The following C5 variants were observed in gnomAD, a reference collection of about 807,000 sequenced individuals.
C5 encodes complement C5, also known as C3 and PZP-like alpha-2-macroglobulin domain-containing protein 4.
A neutral mutation model predicts 218.8 loss-of-function variants in C5; 140 were observed. That is an observed-to-expected ratio of 0.64 (90% CI 0.56 to 0.74). The LOEUF is 0.74. C5 is among the 30% of genes least tolerant of loss of function. The pLI is 0.00. For synonymous variants in C5, 614 were observed against 682.3 expected, an observed-to-expected ratio of 0.90 and a Z score of 1.56; for missense variants, 1,700 against 1,969.6, an observed-to-expected ratio of 0.86 and a Z score of 2.59.
chr9:121,009,000 C>A (rs966625645), intron 17 of C5, among the ~76,000 whole-genome samples: 4 of 151,960 alleles, frequency 2.6e-5, no homozygotes, highest in Non-Finnish European at 4.4e-5. Context: ...ATTGGCAAAA[C>A]AAAGCATTAA....
At chr9:120,987,690 C>A (rs545618849) in intron 25 of C5, among the ~76,000 whole-genome samples, 1 of 151,308 alleles carries the variant, frequency 6.6e-6, no homozygotes, top group East Asian at 1.9e-4. Context: ...TTAAAGTATT[C>A]TAGGTTGTAA....
chr9:120,997,808 A>ATTT, intron 20 of C5, 34 bp from the exon 21 acceptor site: 2 of 1,378,468 alleles, frequency 1.5e-6, no homozygotes, highest in Non-Finnish European at 2.0e-6. Context: ...ATCAAAATAC[A>ATTT]TTTTTTTTTT....
At position 120,989,795 on chromosome 9, in the gene C5, A is replaced by G. The variant is rs2047062999; in HGVS notation, c.2942-15T>C. Reference sequence around the variant, plus strand: ...TACAAGCAGTCCTGAAACAAAAAAGATCAAAGTAGACACATTGCTTTTTAT... The same window carrying G: ...TACAAGCAGTCCTGAAACAAAAAAGGTCAAAGTAGACACATTGCTTTTTAT... On this transcript the variant is annotated splice_polypyrimidine_tract_variant and intron_variant, in intron 23 of 40. Coordinates refer to ENST00000223642, the MANE Select transcript of C5 (RefSeq NM_001735.3). 1.3e-6 allele frequency: 2 copies of G among 1,597,008 alleles called. No individual in the cohort carries two copies. The highest frequency in any genetic ancestry group is 2.7e-5 in the African/African-American group (2 of 74,586).
intron 11 of C5, among the ~76,000 whole-genome samples, chr9:121,021,264 GGT>G (rs1425554991): frequency 6.6e-6 from 1 of 152,104 alleles, no homozygotes; most frequent in Admixed American, 6.5e-5. Context: ...AGTCTGATAT[GGT>G]CTTAACGGTG....
chr9:120,996,634 G>A lies in C5; in HGVS notation c.2791-334C>T, dbSNP rs557870094. On this transcript the variant is annotated intron_variant, in intron 21 of 40. Coordinates refer to ENST00000223642, the MANE Select transcript of C5 (RefSeq NM_001735.3). ...ACAGATGAGGAGACTGACACACATGGAAATCAAGTAACACTGTCACACTGC... is the reference window on the plus strand; with the variant it reads ...ACAGATGAGGAGACTGACACACATGAAAATCAAGTAACACTGTCACACTGC... 2.9e-4 allele frequency among the ~76,000 whole-genome samples: 44 copies of A among 152,342 alleles called. 1 individual carries two copies. The highest frequency in any genetic ancestry group is 1.5e-3 in the Admixed American group (23 of 15,302).
rs1185791589 is a variant in C5 at position 120,974,772 on chromosome 9, C to A, written c.4017+7G>T. 6.2e-6 allele frequency: 10 copies of A among 1,611,344 alleles called. No homozygotes were observed. Among genetic ancestry groups the A allele is most frequent in the Non-Finnish European group, 8.5e-6 (10 of 1,177,652 alleles). On this transcript the variant is annotated splice_region_variant and intron_variant, in intron 30 of 40. Coordinates refer to ENST00000223642, the MANE Select transcript of C5 (RefSeq NM_001735.3). The stretch of plus-strand genomic sequence containing the variant: ...TTGTAAAATACTACAGAAAGTTCTT[C>A]ATTTACCTCTACTGGCCTCCCAAGG...
At chr9:121,072,828 A>G in the C5 span, among the ~76,000 whole-genome samples, 652 of 151,438 alleles carry the variant, frequency 4.3e-3, 6 homozygotes, top group African/African-American at 0.013. Context: ...AAAAAAAAAA[A>G]AAAAGAAAAG....
At chr9:120,977,326 G>C (rs964142842) in intron 28 of C5, among the ~76,000 whole-genome samples, 1 of 152,130 alleles carries the variant, frequency 6.6e-6, no homozygotes, top group Non-Finnish European at 1.5e-5. Flanking sequence ...TTCATGTTTA[G>C]ACTTGAGTCC....
chr9:120,982,015 T>A (rs1160582327), intron 26 of C5, 76 bp from the exon 27 acceptor site: 23 of 950,802 alleles, frequency 2.4e-5, no homozygotes, highest in Non-Finnish European at 3.9e-5. Flanking sequence ...TACTCTGTTT[T>A]TTGTTTGTTT....
At chr9:120,961,060 CAAG>C (rs2046823703) in intron 37 of C5, among the ~76,000 whole-genome samples, 1 of 152,166 alleles carries the variant, frequency 6.6e-6, no homozygotes, top group African/African-American at 2.4e-5. Flanking sequence ...TTTCCTTGGC[CAAG>C]AAGGCTTTCT....
upstream of C5, among the ~76,000 whole-genome samples, chr9:121,050,902 TTGGAGAATAGA>T (rs2047666728): frequency 6.6e-6 from 1 of 152,166 alleles, no homozygotes; most frequent in South Asian, 2.1e-4. Flanking sequence ...TCTCTAAGTA[TTGGAGAATAGA>T]TATTCTCCAA....
In C5 at chr9:121,020,173, T is replaced by C. The variant is rs756586373; in HGVS notation, c.1309A>G (p.Thr437Ala). The C allele has an allele frequency of 3.4e-5, 55 of 1,613,382 alleles. No individual in the cohort carries two copies. The highest frequency in any genetic ancestry group is 4.7e-5 in the Non-Finnish European group (55 of 1,179,452). The change falls in exon 12 of 41, where the codon ACT becomes GCT. Residue 437 changes from threonine to alanine, a missense_variant. Thr to Ala is a moderately conservative substitution (Grantham distance 58). Transcript: ENST00000223642. ...TCTTCTGGAAGATCTGGAGCATCAG[T>C]TTTGACCTGAAAAGAGAAATTTCAA... ...GVTVLEFNVK[T>A]DAPDLPEENQ...
chr9:120,964,554 C>T (rs1251032940), intron 33 of C5, among the ~76,000 whole-genome samples: 1 of 152,176 alleles, frequency 6.6e-6, no homozygotes, highest in Non-Finnish European at 1.5e-5. Flanking sequence ...TTTTCTTTTT[C>T]ATGCTTTTCT....
intron 33 of C5, among the ~76,000 whole-genome samples, chr9:120,968,665 A>G (rs1305091555): frequency 1.3e-5 from 2 of 152,188 alleles, no homozygotes; most frequent in African/African-American, 4.8e-5. Flanking sequence ...AGCTGACTTC[A>G]ATGTGCAGCT....
chr9:120,990,615 G>A (rs749888865), intron 23 of C5, among the ~76,000 whole-genome samples: 7 of 152,140 alleles, frequency 4.6e-5, no homozygotes, highest in Non-Finnish European at 7.4e-5. Context: ...TCTGCCACAG[G>A]AGGATACAGC....
intron 28 of C5, 47 bp downstream of exon 28, chr9:120,980,034 TTA>T (rs1238999256): frequency 6.4e-7 from 1 of 1,561,688 alleles, no homozygotes; most frequent in African/African-American, 1.4e-5. Flanking sequence ...CTAGCAGACT[TTA>T]TGTCTTAGTG....
At chr9:121,029,417 C>G (rs1471688629) in intron 7 of C5, among the ~76,000 whole-genome samples, 1 of 152,232 alleles carries the variant, frequency 6.6e-6, no homozygotes, top group Non-Finnish European at 1.5e-5. Context: ...TTATGTACCT[C>G]AGTTTTTCCA....
At chr9:120,979,800 G>C (rs757443829) in intron 28 of C5, 1 of 386,716 alleles carries the variant, frequency 2.6e-6, no homozygotes, top group African/African-American at 2.1e-5. Context: ...GATCACTTGA[G>C]CCCAGGAGAT....
the C5 span, among the ~76,000 whole-genome samples, chr9:121,072,930 T>C: frequency 3.9e-5 from 6 of 152,210 alleles, no homozygotes; most frequent in South Asian, 4.2e-4. Context: ...GTGTAAATAG[T>C]TGGGGAGAGG....
Sources: gnomAD v4.1 joint callset for allele counts (sites outside exome capture counted in the v4.1 genomes callset) on GRCh38, gnomAD v4.1.1 for gene constraint, MANE v1.5 for transcripts, NCBI Gene and HGNC (gene_info 2026-07-23, HGNC 2026-07-21) for gene names.